C8A: variants seen among roughly 807,000 people sequenced by gnomAD.
C8A encodes complement C8 alpha chain, also known as complement component C8 alpha chain.
C8A carries 67 observed loss-of-function variants against 65.3 expected under a neutral mutation model. The ratio of observed to expected loss-of-function variants is 1.03; its 90% CI spans 0.84 to 1.26. The LOEUF is 1.26. Ranked by LOEUF, C8A falls within the 50% of genes most tolerant of loss-of-function variation. The probability of loss-of-function intolerance (pLI) is 0.00; values close to 1 mark genes in which losing one functional copy is unlikely to be tolerated. For synonymous variants in C8A, 290 were observed against 259.4 expected (o/e 1.12, Z -1.13); for missense variants, 781 against 723.9 (o/e 1.08, Z -0.90).
At chr1:56,908,211 A>G (rs1045681660) in intron 9 of C8A, 98 bp downstream of exon 9, 3 of 1,353,032 alleles carry the variant, frequency 2.2e-6, no homozygotes, top group African/African-American at 2.9e-5. Flanking sequence ...CCCATCAAAG[A>G]ACAAGATTAA....
chr1:56,854,953 G>C lies in C8A; in HGVS notation c.52G>C (p.Val18Leu), dbSNP rs768812752. The change falls in exon 1 of 11, where the codon GTA becomes CTA. Residue 18 changes from valine to leucine, a missense_variant. Physicochemically the swap from Val to Leu is conservative, Grantham distance 32 (BLOSUM62 1). Transcript: ENST00000361249. ...ILSLMTCQPG[V>L]TAQEKVNQRV... is the part of the protein sequence containing the mutation. ...GTCTTTGATGACTTGTCAGCCTGGG[G>C]TAACTGCACAGGAGAAGGTGAACCA... 3 of 1,613,638 alleles carry C rather than the reference G, an allele frequency of 1.9e-6. No individual in the cohort carries two copies. The highest frequency in any genetic ancestry group is 2.5e-6 in the Non-Finnish European group (3 of 1,179,824).
chr1:56,879,950 G>A (rs1046297603), intron 4 of C8A, among the ~76,000 whole-genome samples: 1 of 152,130 alleles, frequency 6.6e-6, no homozygotes, highest in East Asian at 1.9e-4. Context: ...CGATCGCTAT[G>A]CTACAGGTAG....
At chr1:56,898,229 T>A (rs2101278650) in intron 7 of C8A, among the ~76,000 whole-genome samples, 1 of 152,248 alleles carries the variant, frequency 6.6e-6, no homozygotes, top group East Asian at 1.9e-4. Context: ...GGCTGGATTA[T>A]GCCAGGAATA....
chr1:56,892,238 T>C (rs1441193883), intron 7 of C8A, among the ~76,000 whole-genome samples: 2 of 152,078 alleles, frequency 1.3e-5, no homozygotes, highest in African/African-American at 4.8e-5. Flanking sequence ...GAATTCTTTC[T>C]CTATAGAGAC....
intron 10 of C8A, among the ~76,000 whole-genome samples, chr1:56,914,079 T>C (rs1644531687): frequency 6.8e-6 from 1 of 147,526 alleles, no homozygotes; most frequent in South Asian, 2.1e-4. Context: ...CTCAAACCTA[T>C]GTATTAAGAA....
At position 56,886,173 on chromosome 1, in the gene C8A, T is replaced by C. The variant is rs763236455; in HGVS notation, c.1096+6T>C. ...AGCAAAAATGGAATCCCTTGGTAAG[T>C]AAAGCAGAAGCTCTATGTACACAGT... is the stretch of plus-strand genomic sequence containing the variant. On this transcript the variant is annotated splice_donor_region_variant and intron_variant, in intron 7 of 10. Transcript: ENST00000361249. The C allele has an allele frequency of 6.8e-6, 11 of 1,613,648 alleles. No individual in the cohort carries two copies. The African/African-American group carries it at 9.3e-5, about 14-fold the overall frequency.
At chr1:56,885,318 ATATT>A (rs1380382723) in intron 6 of C8A, among the ~76,000 whole-genome samples, 2 of 135,504 alleles carry the variant, frequency 1.5e-5, no homozygotes, top group Non-Finnish European at 3.1e-5. Flanking sequence ...TTACATAAAT[ATATT>A]TATTTAAATA....
intron 9 of C8A, among the ~76,000 whole-genome samples, chr1:56,910,449 G>C (rs988061256): frequency 3.9e-5 from 6 of 152,138 alleles, no homozygotes; most frequent in Non-Finnish European, 8.8e-5. Context: ...CCACCCTATG[G>C]AGGGCTTCCC....
chr1:56,905,781 G>C (rs1327087530), intron 7 of C8A, among the ~76,000 whole-genome samples: 1 of 152,204 alleles, frequency 6.6e-6, no homozygotes, highest in African/African-American at 2.4e-5. Context: ...ACAACTTCCA[G>C]ATGACTCCTT....
chr1:56,864,514 C>T (rs1030163117), intron 1 of C8A, among the ~76,000 whole-genome samples: 2 of 152,062 alleles, frequency 1.3e-5, no homozygotes, highest in Non-Finnish European at 1.5e-5. Context: ...GCTGTGGAGG[C>T]CCCAAGTAAC....
At chr1:56,855,937 G>T (rs889055031) in intron 1 of C8A, among the ~76,000 whole-genome samples, 4 of 152,006 alleles carry the variant, frequency 2.6e-5, no homozygotes, top group Admixed American at 2.6e-4. Context: ...AAATTCATCT[G>T]TAATAATTAG....
At chr1:56,897,629 A>G (rs1453083423) in intron 7 of C8A, among the ~76,000 whole-genome samples, 1 of 152,200 alleles carries the variant, frequency 6.6e-6, no homozygotes, top group Non-Finnish European at 1.5e-5. Context: ...GGGGTGGGAA[A>G]GACATTTAAT....
At chr1:56,871,066 A>G (rs1344903342) in intron 2 of C8A, among the ~76,000 whole-genome samples, 1 of 152,226 alleles carries the variant, frequency 6.6e-6, no homozygotes, top group Non-Finnish European at 1.5e-5. Flanking sequence ...ATCAATGGGA[A>G]TGAACCTTAT....
At chr1:56,908,177 T>C in intron 9 of C8A, 64 bp downstream of exon 9, 6 of 1,503,468 alleles carry the variant, frequency 4.0e-6, no homozygotes, top group Non-Finnish European at 5.6e-6. Context: ...GCAGACCAGA[T>C]CATTTCATAT....
At chr1:56,883,771 A>G in intron 6 of C8A, 90 bp downstream of exon 6, 1 of 1,125,346 alleles carries the variant, frequency 8.9e-7, no homozygotes, top group Non-Finnish European at 1.3e-6. Flanking sequence ...TACAGTAGTA[A>G]TTGAACCTTA....
chr1:56,905,806 G>T (rs1301384683), intron 7 of C8A, among the ~76,000 whole-genome samples: 1 of 152,162 alleles, frequency 6.6e-6, no homozygotes, highest in African/African-American at 2.4e-5. Context: ...TACCGAAAAG[G>T]TTGAACTCTG....
At chr1:56,898,363 G>A (rs959859519) in intron 7 of C8A, among the ~76,000 whole-genome samples, 1 of 152,062 alleles carries the variant, frequency 6.6e-6, no homozygotes, top group African/African-American at 2.4e-5. Context: ...GGAAAAGAAG[G>A]CCAGCATTTC....
chr1:56,855,209 G>T (rs923243389), intron 1 of C8A, among the ~76,000 whole-genome samples: 2 of 152,110 alleles, frequency 1.3e-5, no homozygotes, highest in African/African-American at 4.8e-5. Flanking sequence ...ATAATTCAGG[G>T]TAAATCATCT....
At chr1:56,885,531 G>A (rs1644292180) in intron 6 of C8A, among the ~76,000 whole-genome samples, 1 of 142,952 alleles carries the variant, frequency 7.0e-6, no homozygotes, top group African/African-American at 2.6e-5. Flanking sequence ...ACTAAAAGCT[G>A]ACCTTTTGCA....
Sources: allele counts gnomAD v4.1 joint callset (sites outside exome capture counted in the v4.1 genomes callset), GRCh38; gene constraint gnomAD v4.1.1; transcripts MANE v1.5; gene names NCBI Gene and HGNC (gene_info 2026-07-23, HGNC 2026-07-21).